The following COL11A1 variants were observed in gnomAD, a reference collection of about 807,000 sequenced individuals.
COL11A1 encodes collagen alpha-1(XI) chain.
COL11A1 carries 74 observed loss-of-function variants against 265.2 expected under a neutral mutation model. That is an observed-to-expected ratio of 0.28 (90% confidence interval 0.23 to 0.34). The LOEUF is 0.34. Among genes scored for constraint, COL11A1 ranks in the 10% least tolerant of loss-of-function variants. The pLI is 1.00. For missense variants in COL11A1, 2,165 were observed against 2,263.6 expected (o/e 0.96, Z 0.88); for synonymous variants, 816 against 727.6 (o/e 1.12, Z -1.96).
At chr1:102,921,651 C>G (rs1656002047) in intron 47 of COL11A1, 80 bp from the exon 48 acceptor site, 1 of 1,221,102 alleles carries the variant, frequency 8.2e-7, no homozygotes, top group Non-Finnish European at 1.2e-6. Flanking sequence ...ACTGAAAAAT[C>G]TAAAAGAAGT....
intron 7 of COL11A1, 125 bp from the exon 8 acceptor site, chr1:103,023,121 C>G: frequency 2.2e-6 from 2 of 921,784 alleles, no homozygotes; most frequent in Non-Finnish European, 3.4e-6. Context: ...TCAAGCAACT[C>G]TAAACACCTG....
Position 103,065,573 on chromosome 1 carries a change from C to CAAACA in COL11A1, c.651+9044_651+9045insTGTTT, listed in dbSNP as rs147482156. On this transcript the variant is annotated intron_variant, in intron 4 of 66. Coordinates refer to ENST00000370096, the MANE Select transcript of COL11A1 (RefSeq NM_001854.4). ...GAAAGCAAACAAACAAACAAACAAA[C>CAAACA]AAAAAAAATAGCAACAAAGGCAATA... Among the ~76,000 whole-genome samples, 67 of 130,690 alleles carry CAAACA rather than the reference C, an allele frequency of 5.1e-4. 1 individual carries two copies. Among genetic ancestry groups the CAAACA allele is most frequent in the Admixed American group, 1.3e-3 (16 of 12,418 alleles). 85.7% of individuals were successfully genotyped at this position (130,690 alleles called of 152,430 possible). A position where few individuals can be genotyped will look rare whatever the true frequency, so the allele number is the denominator to read the frequency against.
At chr1:102,984,869 A>G (rs1053339926) in intron 30 of COL11A1, among the ~76,000 whole-genome samples, 2 of 152,048 alleles carry the variant, frequency 1.3e-5, no homozygotes, top group Admixed American at 6.6e-5. Context: ...ATTTTGTTCC[A>G]GTGCAATAAG....
chr1:102,908,904 G>C (rs932924814), intron 54 of COL11A1, among the ~76,000 whole-genome samples: 1 of 152,044 alleles, frequency 6.6e-6, no homozygotes, highest in African/African-American at 2.4e-5. Flanking sequence ...GCAGGAATGA[G>C]AGTAACATAA....
chr1:103,050,149 C>A (rs1669681153), intron 4 of COL11A1, among the ~76,000 whole-genome samples: 1 of 152,152 alleles, frequency 6.6e-6, no homozygotes, highest in Non-Finnish European at 1.5e-5. Context: ...GTTGGCCCTG[C>A]CTTGCTAGAT....
At chr1:102,934,823 T>A (rs535236838) in intron 45 of COL11A1, among the ~76,000 whole-genome samples, 1 of 152,204 alleles carries the variant, frequency 6.6e-6, no homozygotes, top group African/African-American at 2.4e-5. Flanking sequence ...ATTTTCTGAA[T>A]TATTATCTAT....
At chr1:103,057,421 C>T (rs1015504410) in intron 4 of COL11A1, among the ~76,000 whole-genome samples, 3 of 152,148 alleles carry the variant, frequency 2.0e-5, no homozygotes, top group African/African-American at 7.2e-5. Context: ...TTGAATGCTT[C>T]AAACTCATTT....
In COL11A1 at chr1:102,940,421, G is replaced by C. The variant is rs1658601281; in HGVS notation, c.3290C>G (p.Pro1097Arg). 1 of 1,613,554 alleles carries C rather than the reference G, an allele frequency of 6.2e-7. No individual in the cohort carries two copies. Among genetic ancestry groups the C allele is most frequent in the Non-Finnish European group, 8.5e-7 (1 of 1,179,782 alleles). Residue 1097 changes from proline to arginine, a missense_variant, in exon 43 of 67, where the codon CCC becomes CGC. Physicochemically the swap from Pro to Arg is moderately radical, Grantham distance 103. Coordinates refer to ENST00000370096, the MANE Select transcript of COL11A1 (RefSeq NM_001854.4). ...GEKGAPGEKG[P>R]QGPAGRDGVQ... ...TCCATCTCTCCCTGCAGGCCCTTGG[G>C]GACCTTTTTCTCCCTGTATTGAATA...
intron 25 of COL11A1, 81 bp from the exon 26 acceptor site, chr1:102,997,205 T>C: frequency 8.2e-7 from 1 of 1,226,484 alleles, no homozygotes. Context: ...CTTTTGTTAT[T>C]AAATCTACTA....
rs773297282 is a variant in COL11A1, at chr1:103,108,148, T to C, written c.31A>G (p.Lys11Glu). 9.3e-6 allele frequency: 15 copies of C among 1,613,762 alleles called. No homozygotes were observed. The South Asian group carries it at 1.6e-4, about 18-fold the overall frequency. Residue 11 changes from lysine to glutamate, a missense_variant, in exon 1 of 67, where the codon AAA becomes GAA. Physicochemically the swap from Lys to Glu is moderately conservative, Grantham distance 56. Transcript: ENST00000370096. MEPWSSRWKT[K>E]RWLWDFTVTT... ...ACGGTGAAATCCCAGAGCCACCGTT[T>C]CGTTTTCCACCTAGAGGACCACGGC...
intron 36 of COL11A1, 88 bp downstream of exon 36, chr1:102,974,742 A>G (rs891218962): frequency 1.0e-6 from 1 of 960,266 alleles, no homozygotes; most frequent in East Asian, 2.5e-5. Context: ...TCAATATTAT[A>G]TCTAACAAAT....
intron 36 of COL11A1, among the ~76,000 whole-genome samples, chr1:102,972,644 C>T (rs1570910757): frequency 6.6e-6 from 1 of 152,046 alleles, no homozygotes; most frequent in Admixed American, 6.6e-5. Context: ...ATTTTTTCAT[C>T]AAAATAGGCT....
At chr1:102,937,775 A>T (rs999179491) in intron 44 of COL11A1, among the ~76,000 whole-genome samples, 1 of 152,284 alleles carries the variant, frequency 6.6e-6, no homozygotes, top group South Asian at 2.1e-4. Flanking sequence ...CAACCTGCTG[A>T]ACTGTAAGCC....
At chr1:102,879,548 A>C in intron 66 of COL11A1, 135 bp downstream of exon 66, 1 of 758,990 alleles carries the variant, frequency 1.3e-6, no homozygotes, top group Non-Finnish European at 2.3e-6. Flanking sequence ...ATAGTTTAAC[A>C]TGTCAAGATT....
intron 14 of COL11A1, among the ~76,000 whole-genome samples, chr1:103,010,171 A>T (rs1236418832): frequency 6.6e-6 from 1 of 152,178 alleles, no homozygotes; most frequent in East Asian, 1.9e-4. Context: ...ACTAGATGTA[A>T]ACAATTGGTT....
chr1:102,913,463 C>A (rs377653157), intron 53 of COL11A1, among the ~76,000 whole-genome samples, 174 bp downstream of exon 53: 6 of 152,108 alleles, frequency 3.9e-5, no homozygotes, highest in African/African-American at 1.4e-4. Context: ...AAATAAGAAA[C>A]ACTCCATGTA....
chr1:102,927,468 G>A (rs1278563300), intron 46 of COL11A1, among the ~76,000 whole-genome samples: 1 of 152,134 alleles, frequency 6.6e-6, no homozygotes, highest in Non-Finnish European at 1.5e-5. Context: ...TGTAATCCCA[G>A]CACTTTGGGA....
chr1:103,006,180 A>G, intron 16 of COL11A1, 59 bp from the exon 17 acceptor site: 1 of 1,056,112 alleles, frequency 9.5e-7, no homozygotes, highest in Non-Finnish European at 1.3e-6. Flanking sequence ...AAGGAAGTAA[A>G]ATAAATAAAT....
intron 15 of COL11A1, among the ~76,000 whole-genome samples, chr1:103,007,866 CA>C (rs34520764): frequency 0.034 from 3,257 of 97,008 alleles, 38 homozygotes; most frequent in Middle Eastern, 0.12. Context: ...GACTCTGTCT[CA>C]AAAAAAAAAA....
Sources: gnomAD v4.1 joint callset for allele counts (sites outside exome capture counted in the v4.1 genomes callset) on GRCh38, gnomAD v4.1.1 for gene constraint, MANE v1.5 for transcripts, NCBI Gene and HGNC (gene_info 2026-07-23, HGNC 2026-07-21) for gene names.